LCA5: variants seen among roughly 807,000 people sequenced by gnomAD.
LCA5 encodes lebercilin LCA5, also known as lebercilin.
In LCA5, 37 loss-of-function variants were observed where a neutral mutation model predicts 53.0. The observed-to-expected ratio is 0.70, with a 90% CI of 0.54 to 0.92. The LOEUF is 0.92. Among genes scored for constraint, LCA5 ranks in the 40% least tolerant of loss-of-function variants. The pLI is 0.00. For missense variants in LCA5, 806 were observed against 790.5 expected, an observed-to-expected ratio of 1.02 and a Z score of -0.23; for synonymous variants, 303 against 282.9, an observed-to-expected ratio of 1.07 and a Z score of -0.71.
Position 79,487,279 on chromosome 6 carries a change from G to A in LCA5, c.1819C>T (p.Gln607Ter). 1 of 1,614,002 alleles carries A rather than the reference G, an allele frequency of 6.2e-7. No homozygotes were observed. Among genetic ancestry groups the A allele is most frequent in the Non-Finnish European group, 8.5e-7 (1 of 1,179,932 alleles). ...CTGCTACCACTGGCACCAAATAACT[G>A]TTCCATCAAATTAGCTTTTTTCTCT... ...RKEKKANLME[Q>*]LFGASGSSTI... The change falls in exon 8 of 8, where the codon CAG becomes TAG. Residue 607 changes from glutamine (Q) to a stop codon, truncating the protein, a stop_gained. Coordinates refer to ENST00000369846, the MANE Select transcript of LCA5 (RefSeq NM_001122769.3). LOFTEE classifies it high-confidence loss of function.
rs1401140554 is a variant in LCA5, at chr6:79,530,467, T to A, written c.-192+6698A>T. Among the ~76,000 whole-genome samples the A allele has an allele frequency of 3.9e-5, 6 of 152,080 alleles. No individual in the cohort carries two copies. The East Asian group carries it at 1.2e-3, about 29-fold the overall frequency. On this transcript the variant is annotated intron_variant, in intron 1 of 7. Coordinates refer to ENST00000369846, the MANE Select transcript of LCA5 (RefSeq NM_001122769.3). ...ACAACAAACCCCCATGAAACAAGATTACCTATGTAACAAATCTGCACATGT... is the reference window on the plus strand; with the variant it reads ...ACAACAAACCCCCATGAAACAAGATAACCTATGTAACAAATCTGCACATGT...
At chr6:79,494,925 T>C (rs953549310) in intron 3 of LCA5, among the ~76,000 whole-genome samples, 5 of 152,144 alleles carry the variant, frequency 3.3e-5, no homozygotes, top group African/African-American at 1.2e-4. Flanking sequence ...ATTAAGCAAA[T>C]GAAAAGATAA....
intron 6 of LCA5, among the ~76,000 whole-genome samples, 190 bp from the exon 7 acceptor site, chr6:79,489,406 C>T (rs1026059198): frequency 3.9e-5 from 6 of 152,104 alleles, no homozygotes; most frequent in South Asian, 4.2e-4. Flanking sequence ...GGATTATTTC[C>T]GTTAAAATTG....
Position 79,487,153 on chromosome 6 carries a change from G to T in LCA5, c.1945C>A (p.Gln649Lys). The T allele has an allele frequency of 1.2e-6, 2 of 1,613,914 alleles. No individual in the cohort carries two copies. Among genetic ancestry groups the T allele is most frequent in the Non-Finnish European group, 8.5e-7 (1 of 1,179,900 alleles). Residue 649 changes from glutamine (Q) to lysine (K), a missense_variant, in exon 8 of 8, where the codon CAA (glutamine) becomes AAA (lysine). Transcript: ENST00000369846. ...AAGCCTTCATCTTCATCATGTTCTTGATCTCTGCTGCCTTTATTCCCAGGG... is the reference window on the plus strand; with the variant it reads ...AAGCCTTCATCTTCATCATGTTCTTTATCTCTGCTGCCTTTATTCCCAGGG... ...FLPGNKGSRD[Q>K]EHDEDEGFFL...
chr6:79,507,482 A>C (rs1770300699), intron 3 of LCA5, among the ~76,000 whole-genome samples: 1 of 152,170 alleles, frequency 6.6e-6, no homozygotes. Flanking sequence ...ATAACTAAAA[A>C]ATGTTTTTCT....
chr6:79,501,353 C>A (rs913424176), intron 3 of LCA5, among the ~76,000 whole-genome samples: 1 of 151,832 alleles, frequency 6.6e-6, no homozygotes, highest in African/African-American at 2.4e-5. Context: ...CCAAATGTTG[C>A]AAATAAAAAA....
intron 1 of LCA5, among the ~76,000 whole-genome samples, chr6:79,535,089 C>T (rs1767071958): frequency 6.6e-6 from 1 of 151,992 alleles, no homozygotes; most frequent in Non-Finnish European, 1.5e-5. Context: ...TAAAATTTCA[C>T]CTGTATTTTA....
At chr6:79,533,052 T>G (rs1767003345) in intron 1 of LCA5, among the ~76,000 whole-genome samples, 1 of 152,130 alleles carries the variant, frequency 6.6e-6, no homozygotes, top group Non-Finnish European at 1.5e-5. Flanking sequence ...ATCAAAAAGT[T>G]TTCCTCAGAG....
intron 3 of LCA5, among the ~76,000 whole-genome samples, chr6:79,497,898 G>A (rs896563387): frequency 5.3e-5 from 8 of 150,946 alleles, no homozygotes; most frequent in African/African-American, 2.0e-4. Context: ...GCTTGAACCC[G>A]GGAGGTGGAG....
chr6:79,536,010 G>A (rs1482856671), intron 1 of LCA5, among the ~76,000 whole-genome samples: 2 of 152,168 alleles, frequency 1.3e-5, no homozygotes, highest in Non-Finnish European at 2.9e-5. Context: ...CGGAAGAGAT[G>A]TGACTCACAA....
At chr6:79,521,108 TTTTAA>T (rs1562110416) in intron 1 of LCA5, among the ~76,000 whole-genome samples, 2 of 152,138 alleles carry the variant, frequency 1.3e-5, no homozygotes, top group African/African-American at 2.4e-5. Context: ...TTTTAATTAA[TTTTAA>T]TTTAAGAAGC....
At position 79,486,894 on chromosome 6, in the gene LCA5, T is replaced by C; in HGVS notation, c.*110A>G. 1.1e-6 allele frequency: 1 copy of C among 886,272 alleles called. No individual in the cohort carries two copies. The highest frequency in any genetic ancestry group is 1.7e-6 in the Non-Finnish European group (1 of 592,042). The allele number at this position is 886,272 out of a possible 1,614,324, so 54.9% of individuals were successfully genotyped here. ...CTGCATTGTATTTAGCTATTAAAAA[T>C]CATTCCTTAATAAGGACATTTTAGC... On this transcript the variant is annotated 3_prime_UTR_variant, in exon 8 of 8. Transcript: ENST00000369846.
chr6:79,513,850 TAAGA>T (rs1766341722), intron 2 of LCA5, 109 bp from the exon 3 acceptor site: 1 of 1,033,476 alleles, frequency 9.7e-7, no homozygotes, highest in South Asian at 1.4e-5. Context: ...TTTTTGTCTT[TAAGA>T]AAGGATTTTA....
intron 7 of LCA5, chr6:79,488,220 A>G (rs949937465): frequency 2.1e-5 from 4 of 195,038 alleles, no homozygotes; most frequent in South Asian, 2.3e-4. Context: ...AAACCTTTCA[A>G]TGTCATATCC....
intron 3 of LCA5, 59 bp downstream of exon 3, chr6:79,513,153 T>C (rs749580839): frequency 2.3e-5 from 35 of 1,500,604 alleles, no homozygotes; most frequent in Admixed American, 3.4e-5. Context: ...AGAGAGCACA[T>C]TAAATGCCCA....
At chr6:79,513,853 G>A in intron 2 of LCA5, 112 bp from the exon 3 acceptor site, 1 of 1,024,352 alleles carries the variant, frequency 9.8e-7, no homozygotes, top group Non-Finnish European at 1.5e-6. Flanking sequence ...TTGTCTTTAA[G>A]AAAGGATTTT....
At chr6:79,498,756 G>A (rs577006271) in intron 3 of LCA5, among the ~76,000 whole-genome samples, 46 of 151,902 alleles carry the variant, frequency 3.0e-4, no homozygotes, top group Middle Eastern at 3.4e-3. Context: ...AAAAGATTAA[G>A]TAGAAAAAGA....
In LCA5 at chr6:79,499,099, T is replaced by A. The variant is rs559014424; in HGVS notation, c.721-5349A>T. Among the ~76,000 whole-genome samples the A allele has an allele frequency of 8.5e-5, 13 of 152,226 alleles. No homozygotes were observed. In the East Asian group the frequency reaches 1.5e-3, roughly 18 times the overall value. On this transcript the variant is annotated intron_variant, in intron 3 of 7. Transcript: ENST00000369846. ...TTTCACATTCAAAACAATCCATGAT[T>A]TAAAACAAAAACCCTAGCAAGCCAG...
At chr6:79,523,072 T>G (rs1766673610) in intron 1 of LCA5, among the ~76,000 whole-genome samples, 1 of 152,186 alleles carries the variant, frequency 6.6e-6, no homozygotes, top group Non-Finnish European at 1.5e-5. Flanking sequence ...ATAGAAGACT[T>G]TTGAATTAAT....
Sources: allele counts gnomAD v4.1 joint callset (sites outside exome capture counted in the v4.1 genomes callset), GRCh38; gene constraint gnomAD v4.1.1; transcripts MANE v1.5; gene names NCBI Gene and HGNC (gene_info 2026-07-23, HGNC 2026-07-21).